The following R3HDM1 variants were observed in gnomAD, a reference collection of about 807,000 sequenced individuals.
R3HDM1 encodes R3H domain-containing protein 1.
R3HDM1 carries 46 observed loss-of-function variants against 141.1 expected under a neutral mutation model. The observed-to-expected ratio is 0.33, with a 90% CI of 0.26 to 0.42. The LOEUF is 0.42. Ranked by LOEUF, R3HDM1 falls within the 10% of genes least tolerant of loss-of-function variation. The pLI, the probability that R3HDM1 is intolerant of heterozygous loss-of-function variation, is 1.00. For missense variants in R3HDM1, 1,184 were observed against 1,368.3 expected (o/e 0.87, Z 2.12); for synonymous variants, 435 against 472.9 (o/e 0.92, Z 1.04).
intron 1 of R3HDM1, chr2:135,550,235 G>A (rs1329322689): frequency 1.0e-6 from 1 of 982,440 alleles, no homozygotes; most frequent in African/African-American, 1.8e-5. Flanking sequence ...GAAAATTAAA[G>A]CAAAGAAAGG....
At chr2:135,715,741 C>T (rs1198801642) in intron 24 of R3HDM1, 47 bp downstream of exon 24, 2 of 1,562,672 alleles carry the variant, frequency 1.3e-6, no homozygotes, top group South Asian at 1.2e-5. Context: ...TTTAAGACAT[C>T]CATTCCCAGT....
chr2:135,597,856 G>C (rs976267695), intron 1 of R3HDM1, among the ~76,000 whole-genome samples: 1 of 152,084 alleles, frequency 6.6e-6, no homozygotes, highest in East Asian at 1.9e-4. Context: ...TGTTAACCTA[G>C]AGTAAATTGA....
chr2:135,648,370 G>A (rs542012778), intron 16 of R3HDM1, among the ~76,000 whole-genome samples: 12 of 152,190 alleles, frequency 7.9e-5, no homozygotes, highest in Non-Finnish European at 1.6e-4. Context: ...TGATGTCATA[G>A]ACAAACAATG....
chr2:135,668,324 G>A (rs1206358566), intron 19 of R3HDM1, among the ~76,000 whole-genome samples: 1 of 152,122 alleles, frequency 6.6e-6, no homozygotes, highest in Non-Finnish European at 1.5e-5. Flanking sequence ...TAATCTTTTA[G>A]TAATCTTTAA....
intron 18 of R3HDM1, 72 bp from the exon 19 acceptor site, chr2:135,661,198 T>C: frequency 1.3e-6 from 2 of 1,557,642 alleles, no homozygotes; most frequent in Admixed American, 3.4e-5. Flanking sequence ...CATTAAACTC[T>C]GATCTTCCTC....
intron 1 of R3HDM1, among the ~76,000 whole-genome samples, chr2:135,536,178 C>G (rs1696063706): frequency 6.6e-6 from 1 of 152,112 alleles, no homozygotes; most frequent in Non-Finnish European, 1.5e-5. Flanking sequence ...TTCACCCTGT[C>G]ACCCAGACTG....
intron 19 of R3HDM1, among the ~76,000 whole-genome samples, chr2:135,664,222 G>T (rs889457282): frequency 6.6e-6 from 1 of 151,794 alleles, no homozygotes; most frequent in Non-Finnish European, 1.5e-5. Flanking sequence ...GTTTCCTTTT[G>T]GTTTTTATTT....
At position 135,649,948 on chromosome 2, in the gene R3HDM1, C is replaced by T. The variant is rs1413468864; in HGVS notation, c.1670C>T (p.Thr557Ile). Reference sequence around the variant, plus strand: ...TCTTCACAGCCTGTTCAGTACTCTACAGCCCCTTACCCATCCCCGTTCCTG... The same window carrying T: ...TCTTCACAGCCTGTTCAGTACTCTATAGCCCCTTACCCATCCCCGTTCCTG... The part of the protein sequence containing the change: ...QSSSQPVQYS[T>I]APYPSPFLPV... The change falls in exon 17 of 27, where the codon ACA (threonine) becomes ATA (isoleucine). Residue 557 changes from threonine (T) to isoleucine (I), a missense_variant. Physicochemically the swap from Thr to Ile is moderately conservative, Grantham distance 89 (BLOSUM62 -1). Coordinates refer to ENST00000683871, the MANE Select transcript of R3HDM1 (RefSeq NM_001378107.1). 1 of 1,297,372 alleles carries T rather than the reference C, an allele frequency of 7.7e-7. No individual in the cohort carries two copies. Among genetic ancestry groups the T allele is most frequent in the Non-Finnish European group, 1.0e-6 (1 of 985,634 alleles). The allele number at this position is 1,297,372 out of a possible 1,614,324, so 80.4% of individuals were successfully genotyped here.
chr2:135,597,103 A>G (rs917248916), intron 1 of R3HDM1: 20 of 978,678 alleles, frequency 2.0e-5, no homozygotes, highest in African/African-American at 7.0e-5. Context: ...AATTTGTTTC[A>G]TATAGTCTTA....
At chr2:135,719,955 C>T (rs539458251) in intron 24 of R3HDM1, among the ~76,000 whole-genome samples, 2 of 152,160 alleles carry the variant, frequency 1.3e-5, no homozygotes, top group East Asian at 3.9e-4. Flanking sequence ...AAGCTATTCT[C>T]CTGCCTCAGC....
chr2:135,584,635 ATAAT>A (rs1428323917), intron 1 of R3HDM1, among the ~76,000 whole-genome samples: 2 of 152,370 alleles, frequency 1.3e-5, no homozygotes, highest in South Asian at 2.1e-4. Context: ...ACTTCCCTTC[ATAAT>A]TAGAGGAAGG....
rs540649435 is a variant in R3HDM1, at chr2:135,541,158, G to A, written c.-250+9525G>A. Among the ~76,000 whole-genome samples, 30 of 152,162 alleles carry A rather than the reference G, an allele frequency of 2.0e-4. No homozygotes were observed. In the South Asian group the frequency reaches 2.7e-3, roughly 14 times the overall value. On this transcript the variant is annotated intron_variant, in intron 1 of 26. Coordinates refer to ENST00000683871, the MANE Select transcript of R3HDM1 (RefSeq NM_001378107.1). ...TTAATGGCCCTAGGATTTTCAGAAG[G>A]TTAAATGAGCGCTGTCTTCAACTTA...
chr2:135,712,904 G>A (rs536566148), intron 23 of R3HDM1, among the ~76,000 whole-genome samples: 2 of 151,436 alleles, frequency 1.3e-5, no homozygotes, highest in Non-Finnish European at 2.9e-5. Flanking sequence ...CTGGGCAACA[G>A]AGCAAGACTC....
At chr2:135,658,866 T>A (rs1390152571) in intron 18 of R3HDM1, among the ~76,000 whole-genome samples, 1 of 152,130 alleles carries the variant, frequency 6.6e-6, no homozygotes, top group Non-Finnish European at 1.5e-5. Context: ...AACATGCATA[T>A]TAGCCTAGGC....
At chr2:135,717,990 G>A (rs115800215) in intron 24 of R3HDM1, among the ~76,000 whole-genome samples, 8 of 152,210 alleles carry the variant, frequency 5.3e-5, no homozygotes, top group African/African-American at 1.9e-4. Flanking sequence ...CCTTAAAAGG[G>A]TACTACGCAA....
intron 21 of R3HDM1, among the ~76,000 whole-genome samples, chr2:135,701,003 A>G (rs968679798): frequency 1.3e-5 from 2 of 152,158 alleles, no homozygotes; most frequent in African/African-American, 4.8e-5. Context: ...TAATTTATAA[A>G]TTAGGCACAG....
intron 3 of R3HDM1, among the ~76,000 whole-genome samples, chr2:135,611,330 G>A (rs2060529851): frequency 6.6e-6 from 1 of 152,044 alleles, no homozygotes; most frequent in African/African-American, 2.4e-5. Context: ...GAGCCCAGGA[G>A]GTCAAGGCTA....
In R3HDM1 at chr2:135,652,152, G is replaced by T. The variant is rs572195030; in HGVS notation, c.2028+120G>T. ...GAATTTGTGAGAGTATATAAACAAA[G>T]CATATACTCATCTTTCCGCCTCTGG... is the stretch of plus-strand genomic sequence containing the variant. On this transcript the variant is annotated intron_variant, in intron 18 of 26. Coordinates refer to ENST00000683871, the MANE Select transcript of R3HDM1 (RefSeq NM_001378107.1). 13 of 1,359,046 alleles carry T rather than the reference G, an allele frequency of 9.6e-6. No individual in the cohort carries two copies. The South Asian group carries it at 2.2e-4, about 23-fold the overall frequency. The allele number at this position is 1,359,046 out of a possible 1,614,324, so 84.2% of individuals were successfully genotyped here.
intron 18 of R3HDM1, among the ~76,000 whole-genome samples, chr2:135,653,063 A>G (rs2065328475): frequency 6.6e-6 from 1 of 151,912 alleles, no homozygotes; most frequent in Admixed American, 6.6e-5. Context: ...TTAAAAAAAA[A>G]AAAAAACACG....
Sources: gnomAD v4.1 joint callset for allele counts (sites outside exome capture counted in the v4.1 genomes callset) on GRCh38, gnomAD v4.1.1 for gene constraint, MANE v1.5 for transcripts, NCBI Gene and HGNC (gene_info 2026-07-23, HGNC 2026-07-21) for gene names.